SLC1A3: variants seen among roughly 807,000 people sequenced by gnomAD.
The protein encoded by SLC1A3 is solute carrier family 1 member 3.
A neutral mutation model predicts 48.1 loss-of-function variants in SLC1A3; 21 were observed. The ratio of observed to expected loss-of-function variants is 0.44; its 90% CI spans 0.31 to 0.63. SLC1A3 has a LOEUF of 0.63. Ranked by LOEUF, SLC1A3 falls within the 20% of genes least tolerant of loss-of-function variation. The pLI is 0.08. For synonymous variants in SLC1A3, 239 were observed against 251.4 expected, an observed-to-expected ratio of 0.95 and a Z score of 0.47; for missense variants, 546 against 689.0, an observed-to-expected ratio of 0.79 and a Z score of 2.32.
chr5:36,636,505 TTTTCTTTCTTTCTTTC>T (rs1740386839), intron 3 of SLC1A3: 1 of 70,136 alleles, frequency 1.4e-5, no homozygotes, highest in African/African-American at 3.7e-5. Context: ...CTTTCTTTCT[TTTTCTTTCTTTCTTTC>T]TCTCTCTTTC....
chr5:36,608,994 C>T, intron 2 of SLC1A3: 1 of 999,492 alleles, frequency 1.0e-6, no homozygotes, highest in Non-Finnish European at 1.2e-6. Context: ...AATTAGTACA[C>T]CTAAAATGAC....
At chr5:36,610,506 A>G (rs72732525) in intron 2 of SLC1A3, among the ~76,000 whole-genome samples, 38,526 of 152,164 alleles carry the variant, frequency 0.25, 5,947 homozygotes, top group South Asian at 0.43. Flanking sequence ...TGTAAACACC[A>G]GAAGAGTGGA....
chr5:36,606,911 C>T (rs1439277762), intron 1 of SLC1A3, 176 bp downstream of exon 1: 1 of 152,290 alleles, frequency 6.6e-6, no homozygotes, highest in Non-Finnish European at 1.5e-5. Context: ...ATGCCGGGTC[C>T]GCTGTTAATT....
intron 3 of SLC1A3, among the ~76,000 whole-genome samples, chr5:36,646,429 C>A (rs1337613329): frequency 6.6e-6 from 1 of 152,148 alleles, no homozygotes; most frequent in Non-Finnish European, 1.5e-5. Context: ...AATATCCAAA[C>A]CTTTTGGAAA....
In SLC1A3 at chr5:36,680,518, G is replaced by T; in HGVS notation, c.1218G>T (p.Glu406Asp). 1 of 1,614,194 alleles carries T rather than the reference G, an allele frequency of 6.2e-7. No homozygotes were observed. The highest frequency in any genetic ancestry group is 8.5e-7 in the Non-Finnish European group (1 of 1,180,020). ...TINMDGTALY[E>D]ALAAIFIAQV... ...ACATGGATGGGACTGCCCTCTATGA[G>T]GCTTTGGCTGCCATTTTCATTGCTC... Residue 406 changes from glutamate (E) to aspartate (D), a missense_variant, in exon 8 of 10, where the codon GAG becomes GAT. By Grantham distance (45) the Glu-to-Asp change is conservative (BLOSUM62 2). Around this residue, in one of 3 missense-constraint regions of SLC1A3, gnomAD observed 142 missense variants for 238.0 expected, o/e 0.60. Transcript: ENST00000265113.
intron 2 of SLC1A3, among the ~76,000 whole-genome samples, chr5:36,622,342 G>A (rs147734890): frequency 1.1e-4 from 16 of 152,256 alleles, no homozygotes; most frequent in South Asian, 4.2e-4. Context: ...AAGATTTGGC[G>A]TAGTAATAAC....
At position 36,614,464 on chromosome 5, in the gene SLC1A3, A is replaced by G. The variant is rs150212057; in HGVS notation, c.181+5860A>G. ...CTTAATAGTTGTAACGGGCTTTTAG[A>G]TGCAGAAATGAAAGCCTCAGAGTAA... On this transcript the variant is annotated intron_variant, in intron 2 of 9. Coordinates refer to ENST00000265113, the MANE Select transcript of SLC1A3 (RefSeq NM_004172.5). Among the ~76,000 whole-genome samples, 32 of 152,224 alleles carry G rather than the reference A, an allele frequency of 2.1e-4. No homozygotes were observed. In the East Asian group the frequency reaches 2.1e-3, roughly 10 times the overall value.
At chr5:36,680,925 A>C (rs1742420108) in intron 8 of SLC1A3, among the ~76,000 whole-genome samples, 1 of 152,098 alleles carries the variant, frequency 6.6e-6, no homozygotes, top group African/African-American at 2.4e-5. Flanking sequence ...CAAAAAAAAA[A>C]AAAAAAGAAT....
In SLC1A3 at chr5:36,687,551, T is replaced by C. The variant is rs552989102; in HGVS notation, c.*1282T>C. 1.1e-4 allele frequency: 17 copies of C among 152,334 alleles called. No homozygotes were observed. Among genetic ancestry groups the C allele is most frequent in the East Asian group, 1.9e-4 (1 of 5,190 alleles). 9.4% of individuals were successfully genotyped at this position (152,334 alleles called of 1,614,324 possible). On this transcript the variant is annotated 3_prime_UTR_variant, in exon 10 of 10. Coordinates refer to ENST00000265113, the MANE Select transcript of SLC1A3 (RefSeq NM_004172.5). The stretch of plus-strand genomic sequence containing the variant: ...AAATGAATGAGCTCTCTAATAGAAG[T>C]CCATGAGTTGAGTGGGTATTTCTTA...
At position 36,687,344 on chromosome 5, in the gene SLC1A3, TACAA is replaced by T. The variant is rs1418664136; in HGVS notation, c.*1081_*1084del. 3 of 152,170 alleles carry T rather than the reference TACAA, an allele frequency of 2.0e-5. No individual in the cohort carries two copies. The highest frequency in any genetic ancestry group is 6.5e-5 in the Admixed American group (1 of 15,286). The allele number at this position is 152,170 out of a possible 1,614,324, so 9.4% of individuals were successfully genotyped here. On this transcript the variant is annotated 3_prime_UTR_variant, in exon 10 of 10. Transcript: ENST00000265113. The stretch of plus-strand genomic sequence containing the variant: ...GGAAAGAGTTGAGCACAGGCAACAT[TACAA>T]ACAAAGGATTTGAAAACACCAAGAG...
chr5:36,669,365 T>C (rs1041834795), intron 3 of SLC1A3: 1 of 152,172 alleles, frequency 6.6e-6, no homozygotes, highest in Non-Finnish European at 1.5e-5. Context: ...TCCTAACAAA[T>C]GAATACTTAG....
intron 2 of SLC1A3, among the ~76,000 whole-genome samples, chr5:36,618,843 G>A (rs1015481658): frequency 2.8e-4 from 43 of 152,204 alleles, no homozygotes; most frequent in Admixed American, 2.0e-4. Flanking sequence ...TTCTGGAATA[G>A]AAGATTTTTA....
chr5:36,617,088 C>G (rs1739466262), intron 2 of SLC1A3, among the ~76,000 whole-genome samples: 1 of 152,108 alleles, frequency 6.6e-6, no homozygotes, highest in Non-Finnish European at 1.5e-5. Context: ...ATACTTGTAA[C>G]TCCAAGGGCT....
At chr5:36,652,288 C>T (rs1741111110) in intron 3 of SLC1A3, among the ~76,000 whole-genome samples, 1 of 151,452 alleles carries the variant, frequency 6.6e-6, no homozygotes, top group African/African-American at 2.4e-5. Flanking sequence ...TTTATTTTGG[C>T]ACTCCCAGCT....
chr5:36,664,077 G>A (rs1304680542), intron 3 of SLC1A3, among the ~76,000 whole-genome samples: 1 of 152,200 alleles, frequency 6.6e-6, no homozygotes, highest in Non-Finnish European at 1.5e-5. Context: ...CAAGATCATA[G>A]GAAACAAAGA....
intron 3 of SLC1A3, among the ~76,000 whole-genome samples, chr5:36,656,151 G>A (rs1741276234): frequency 6.6e-6 from 1 of 152,062 alleles, no homozygotes; most frequent in African/African-American, 2.4e-5. Context: ...ATAATTGCTA[G>A]CAACTACTGG....
At chr5:36,604,082 C>G (rs1361845115), upstream of SLC1A3, among the ~76,000 whole-genome samples, 1 of 139,324 alleles carries the variant, frequency 7.2e-6, no homozygotes, top group African/African-American at 3.2e-5. Context: ...TCTTGTTATA[C>G]TGACATTTTT....
At chr5:36,654,839 C>G (rs181590248) in intron 3 of SLC1A3, among the ~76,000 whole-genome samples, 4 of 152,316 alleles carry the variant, frequency 2.6e-5, no homozygotes, top group Admixed American at 1.3e-4. Context: ...GGTCCTACAT[C>G]TCCTTCCTCT....
intron 3 of SLC1A3, among the ~76,000 whole-genome samples, chr5:36,633,539 G>A (rs894909279): frequency 3.3e-5 from 5 of 152,122 alleles, no homozygotes; most frequent in African/African-American, 1.2e-4. Flanking sequence ...AGACACTGGG[G>A]ATACATGAAC....
Sources: gnomAD v4.1 joint callset for allele counts (sites outside exome capture counted in the v4.1 genomes callset) on GRCh38, gnomAD v4.1.1 for gene constraint, gnomAD v4.1.1 regional missense constraint, MANE v1.5 for transcripts, NCBI Gene and HGNC (gene_info 2026-07-23, HGNC 2026-07-21) for gene names.